The following RABGAP1L variants were observed in gnomAD, a reference collection of about 807,000 sequenced individuals.
RABGAP1L encodes rab GTPase-activating protein 1-like.
RABGAP1L carries 63 observed loss-of-function variants against 137.7 expected under a neutral mutation model. The ratio of observed to expected loss-of-function variants is 0.46; its 90% CI spans 0.37 to 0.56. The LOEUF is 0.56. Ranked by LOEUF, RABGAP1L falls within the 20% of genes least tolerant of loss-of-function variation. The pLI is 0.00. For missense variants in RABGAP1L, 1,095 were observed against 1,244.0 expected, an observed-to-expected ratio of 0.88 and a Z score of 1.80; for synonymous variants, 431 against 433.7, an observed-to-expected ratio of 0.99 and a Z score of 0.08.
intron 15 of RABGAP1L, among the ~76,000 whole-genome samples, chr1:174,693,720 G>A (rs1013919901): frequency 6.6e-6 from 1 of 152,114 alleles, no homozygotes; most frequent in African/African-American, 2.4e-5. Flanking sequence ...AATAGATACA[G>A]TAGTGAAAAA....
At chr1:174,563,055 A>G (rs548751732) in intron 13 of RABGAP1L, among the ~76,000 whole-genome samples, 1 of 152,330 alleles carries the variant, frequency 6.6e-6, no homozygotes, top group East Asian at 1.9e-4. Flanking sequence ...TATCATCTGT[A>G]GTTACTTTTG....
rs1225290317 is a variant in RABGAP1L at position 174,844,908 on chromosome 1, T to C, written c.2340+32948T>C. On this transcript the variant is annotated intron_variant, in intron 19 of 25. Transcript: ENST00000681986. ...TATCCTCTTTTATTTCCTTGAGCAG[T>C]GGTTTGTAGTTCTCCTTGAAGAGGT... is the stretch of plus-strand genomic sequence containing the variant. 7.8e-4 allele frequency among the ~76,000 whole-genome samples: 88 copies of C among 112,658 alleles called. 1 individual carries two copies. Among genetic ancestry groups the C allele is most frequent in the African/African-American group, 2.6e-3 (83 of 31,408 alleles). The allele number at this position is 112,658 out of a possible 152,430, so 73.9% of individuals were successfully genotyped here.
At chr1:174,838,211 T>G (rs559278079) in intron 19 of RABGAP1L, among the ~76,000 whole-genome samples, 1 of 152,368 alleles carries the variant, frequency 6.6e-6, no homozygotes, top group African/African-American at 2.4e-5. Context: ...TGTTTCTTGC[T>G]AATCATAGAG....
chr1:174,383,756 C>G (rs540938851), intron 12 of RABGAP1L, among the ~76,000 whole-genome samples: 13 of 152,294 alleles, frequency 8.5e-5, no homozygotes, highest in African/African-American at 2.4e-4. Context: ...TCTTCTGCGT[C>G]GCTCATGCTG....
intron 13 of RABGAP1L, among the ~76,000 whole-genome samples, chr1:174,404,127 C>T (rs1234033968): frequency 6.6e-6 from 1 of 152,060 alleles, no homozygotes; most frequent in Non-Finnish European, 1.5e-5. Context: ...GAAAGCCAGG[C>T]TTATGCACTG....
chr1:174,623,338 C>G (rs529290179), intron 13 of RABGAP1L, among the ~76,000 whole-genome samples: 15 of 152,290 alleles, frequency 9.8e-5, no homozygotes, highest in Non-Finnish European at 1.9e-4. Flanking sequence ...AGGGAGAACA[C>G]AATCCACACT....
In RABGAP1L at chr1:174,379,087, A is replaced by G. The variant is rs1273073019; in HGVS notation, c.1559+8015A>G. Among the ~76,000 whole-genome samples the G allele has an allele frequency of 4.2e-5, 6 of 142,962 alleles. No individual in the cohort carries two copies. The East Asian group carries it at 7.8e-4, about 19-fold the overall frequency. 93.8% of individuals were successfully genotyped at this position (142,962 alleles called of 152,430 possible). ...GTTTTTCTCAGGTTTGTCAAAGATCAGATAGTTGTAGATATGCGGCGTTAT... is the reference window on the plus strand; with the variant it reads ...GTTTTTCTCAGGTTTGTCAAAGATCGGATAGTTGTAGATATGCGGCGTTAT... On this transcript the variant is annotated intron_variant, in intron 12 of 25. Coordinates refer to ENST00000681986, the MANE Select transcript of RABGAP1L (RefSeq NM_001366446.1).
chr1:174,355,712 G>A (rs1683575550), intron 11 of RABGAP1L, among the ~76,000 whole-genome samples: 1 of 151,922 alleles, frequency 6.6e-6, no homozygotes, highest in African/African-American at 2.4e-5. Flanking sequence ...GAGTATTTTT[G>A]ACGGGTTTCA....
At chr1:174,381,089 T>C (rs1686100744) in intron 12 of RABGAP1L, among the ~76,000 whole-genome samples, 1 of 104,210 alleles carries the variant, frequency 9.6e-6, no homozygotes, top group East Asian at 2.8e-4. Flanking sequence ...TTCCATGTAG[T>C]TGAGTGGCTT....
At chr1:174,637,565 C>T (rs951895081) in intron 14 of RABGAP1L, 77 bp downstream of exon 14, 1 of 1,043,588 alleles carries the variant, frequency 9.6e-7, no homozygotes, top group Non-Finnish European at 1.5e-6. Flanking sequence ...GATTTTTTTA[C>T]TCTGTCTTCA....
chr1:174,319,181 AAGAC>A (rs1279313642), intron 11 of RABGAP1L, among the ~76,000 whole-genome samples: 1 of 152,078 alleles, frequency 6.6e-6, no homozygotes, highest in East Asian at 1.9e-4. Flanking sequence ...CATTTCTTGT[AAGAC>A]AGATCTGGTG....
chr1:174,924,385 C>CAAAAAAAAAAA (rs10688718), intron 19 of RABGAP1L, among the ~76,000 whole-genome samples: 1 of 70,120 alleles, frequency 1.4e-5, no homozygotes, highest in Non-Finnish European at 2.5e-5. Context: ...GACTCTGTCT[C>CAAAAAAAAAAA]AAAAAAAAAA....
intron 14 of RABGAP1L, among the ~76,000 whole-genome samples, chr1:174,647,766 G>C (rs1572671007): frequency 6.6e-6 from 1 of 152,088 alleles, no homozygotes; most frequent in East Asian, 1.9e-4. Context: ...TTTTGAAATA[G>C]TTTCAGAAGG....
At chr1:174,726,927 C>T (rs962541676) in intron 17 of RABGAP1L, among the ~76,000 whole-genome samples, 4 of 152,034 alleles carry the variant, frequency 2.6e-5, no homozygotes, top group South Asian at 2.1e-4. Context: ...TGGTACTCAT[C>T]GTGTTCTGTC....
intron 13 of RABGAP1L, among the ~76,000 whole-genome samples, chr1:174,519,661 A>C (rs1663194571): frequency 6.6e-6 from 1 of 152,202 alleles, no homozygotes; most frequent in South Asian, 2.1e-4. Context: ...GAAAATATCC[A>C]TGATTATAAA....
chr1:174,696,271 A>G (rs1679252090), intron 15 of RABGAP1L, among the ~76,000 whole-genome samples: 1 of 152,038 alleles, frequency 6.6e-6, no homozygotes, highest in South Asian at 2.1e-4. Context: ...GTTGCAGGAC[A>G]AAGTCCTCTT....
At chr1:174,401,566 A>G (rs1425398426) in intron 13 of RABGAP1L, among the ~76,000 whole-genome samples, 1 of 152,194 alleles carries the variant, frequency 6.6e-6, no homozygotes, top group Non-Finnish European at 1.5e-5. Context: ...CAAGACATTC[A>G]TCTGAGAAAT....
chr1:174,449,457 G>A (rs1442168676), intron 13 of RABGAP1L, among the ~76,000 whole-genome samples: 1 of 152,156 alleles, frequency 6.6e-6, no homozygotes, highest in East Asian at 1.9e-4. Flanking sequence ...GCACTGAGAT[G>A]AAAAAGAATA....
chr1:174,227,058 T>G (rs1334566366), intron 3 of RABGAP1L, among the ~76,000 whole-genome samples: 3 of 152,186 alleles, frequency 2.0e-5, no homozygotes, highest in African/African-American at 7.2e-5. Flanking sequence ...ATAATTAAGT[T>G]TTAAGTTTTG....
Sources: allele counts gnomAD v4.1 joint callset (sites outside exome capture counted in the v4.1 genomes callset), GRCh38; gene constraint gnomAD v4.1.1; transcripts MANE v1.5; gene names NCBI Gene and HGNC (gene_info 2026-07-23, HGNC 2026-07-21).